Variants in NEDD9 observed in about 807,000 individuals in gnomAD.
NEDD9 encodes neural precursor cell expressed, developmentally down-regulated 9.
In NEDD9, 26 loss-of-function variants were observed where a neutral mutation model predicts 76.6. The ratio of observed to expected loss-of-function variants is 0.34; its 90% CI spans 0.25 to 0.47. The LOEUF (loss-of-function observed/expected upper bound fraction) is 0.47. NEDD9 is among the 20% of genes least tolerant of loss of function. NEDD9 has a pLI of 1.00. For synonymous variants in NEDD9, 392 were observed against 414.2 expected, an observed-to-expected ratio of 0.95 and a Z score of 0.65; for missense variants, 937 against 1,058.5, an observed-to-expected ratio of 0.89 and a Z score of 1.59.
intron 3 of NEDD9, among the ~76,000 whole-genome samples, chr6:11,272,771 G>A (rs563022549): frequency 1.3e-5 from 2 of 152,278 alleles, no homozygotes; most frequent in South Asian, 4.2e-4. Flanking sequence ...CCTGGGAGCC[G>A]CAGTTGGAAG....
intron 3 of NEDD9, among the ~76,000 whole-genome samples, chr6:11,282,702 G>A (rs1010230033): frequency 6.6e-6 from 1 of 152,110 alleles, no homozygotes; most frequent in African/African-American, 2.4e-5. Flanking sequence ...TCACATATCT[G>A]TTTCTTGCCT....
In NEDD9 at chr6:11,190,785, C is replaced by T; in HGVS notation, c.1084G>A (p.Val362Met). 6.2e-7 allele frequency: 1 copy of T among 1,614,184 alleles called. No individual in the cohort carries two copies. Among genetic ancestry groups the T allele is most frequent in the Non-Finnish European group, 8.5e-7 (1 of 1,180,040 alleles). Residue 362 changes from valine (V) to methionine (M), a missense_variant, in exon 5 of 7, where the codon GTG (valine) becomes ATG (methionine). By Grantham distance (21) the Val-to-Met change is conservative (BLOSUM62 1). Coordinates refer to ENST00000379446, the MANE Select transcript of NEDD9 (RefSeq NM_006403.4). The surrounding 1 kb of genome is among the most constrained non-coding windows in gnomAD (Gnocchi z 5.8). The stretch of plus-strand genomic sequence containing the variant: ...AAAGACAATCGGTTGATCCCATCCA[C>T]CAAGTCCCGAGAGCCTTTAGCATCT... Reference protein sequence around the residue: ...PPDAKGSRDLVDGINRLSFSS... With the variant: ...PPDAKGSRDLMDGINRLSFSS...
chr6:11,239,430 C>T (rs1401464017), intron 3 of NEDD9, among the ~76,000 whole-genome samples: 2 of 152,158 alleles, frequency 1.3e-5, no homozygotes, highest in African/African-American at 4.8e-5. Context: ...TCACTGAATT[C>T]AACAGGGGGA....
chr6:11,213,459 A>T lies in NEDD9; in HGVS notation c.281T>A (p.Val94Glu). 1 of 1,613,986 alleles carries T rather than the reference A, an allele frequency of 6.2e-7. No individual in the cohort carries two copies. The highest frequency in any genetic ancestry group is 8.5e-7 in the Non-Finnish European group (1 of 1,179,996). The change falls in exon 2 of 7, where the codon GTG becomes GAG. Residue 94 changes from valine (V) to glutamate (E), a missense_variant. Transcript: ENST00000379446. This position sits in a 1 kb window ranked among gnomAD's most constrained non-coding sequence, Gnocchi z 5.4. ...TCGGGGAGCAGCCTGTGGGTTTGGCACTTGATAGAGCTTCTGTTGGCCAAA... is the reference window on the plus strand; with the variant it reads ...TCGGGGAGCAGCCTGTGGGTTTGGCTCTTGATAGAGCTTCTGTTGGCCAAA... ...QTFGQQKLYQVPNPQAAPRDT... is the reference protein window; with the variant it reads ...QTFGQQKLYQEPNPQAAPRDT...
chr6:11,320,746 A>G (rs1176579191), intron 2 of NEDD9, among the ~76,000 whole-genome samples: 2 of 152,200 alleles, frequency 1.3e-5, no homozygotes, highest in Admixed American at 6.5e-5. Context: ...GTTTGGAAAG[A>G]TCTCTAAGAT....
At chr6:11,343,985 A>T (rs1028152279) in intron 1 of NEDD9, among the ~76,000 whole-genome samples, 1 of 152,218 alleles carries the variant, frequency 6.6e-6, no homozygotes, top group African/African-American at 2.4e-5. Flanking sequence ...CCATTGGAAG[A>T]TAGGACTGTT....
intron 1 of NEDD9, among the ~76,000 whole-genome samples, chr6:11,346,484 C>T (rs76294676): frequency 2.0e-5 from 3 of 151,734 alleles, no homozygotes; most frequent in African/African-American, 4.8e-5. Flanking sequence ...GAGGCCCCCC[C>T]CCCCGAGGTG....
intron 2 of NEDD9, among the ~76,000 whole-genome samples, chr6:11,316,179 G>A (rs142787606): frequency 1.4e-4 from 22 of 152,230 alleles, no homozygotes; most frequent in African/African-American, 2.9e-4. Context: ...TTATTTCTTC[G>A]TTATTGAGTC....
upstream of NEDD9, chr6:11,233,208 G>C: frequency 1.9e-6 from 1 of 518,784 alleles, no homozygotes; most frequent in South Asian, 1.4e-5. Flanking sequence ...GTGTGTGACT[G>C]TTTGCTTTTT....
At chr6:11,233,392 T>G, upstream of NEDD9, 1 of 518,972 alleles carries the variant, frequency 1.9e-6, no homozygotes, top group Non-Finnish European at 3.8e-6. Flanking sequence ...TTCAGTGGCT[T>G]TGCTGAGGAT....
chr6:11,232,478 G>T (rs774426805), intron 1 of NEDD9, 26 bp downstream of exon 1: 3 of 1,614,110 alleles, frequency 1.9e-6, no homozygotes, highest in Non-Finnish European at 2.5e-6. Context: ...AGCTTGCAAG[G>T]TAACCTGTAA....
intron 4 of NEDD9, among the ~76,000 whole-genome samples, chr6:11,191,961 C>T (rs779105280): frequency 1.2e-4 from 18 of 152,188 alleles, no homozygotes; most frequent in South Asian, 1.0e-3. Flanking sequence ...GCTGTGGTTG[C>T]GCCACTGCAC....
chr6:11,209,970 CT>C (rs752612102), intron 2 of NEDD9, among the ~76,000 whole-genome samples: 7 of 131,112 alleles, frequency 5.3e-5, no homozygotes, highest in Admixed American at 8.1e-5. Flanking sequence ...AATTCACTGT[CT>C]TTTTTTTTTC....
rs939255925 is a variant in NEDD9, at chr6:11,304,943, C to G, written c.12+1049G>C. 3 of 551,452 alleles carry G rather than the reference C, an allele frequency of 5.4e-6. No individual in the cohort carries two copies. The African/African-American group carries it at 6.0e-5, about 11-fold the overall frequency. 34.2% of individuals were successfully genotyped at this position (551,452 alleles called of 1,614,324 possible). On this transcript the variant is annotated intron_variant, in intron 3 of 3. Coordinates refer to the NEDD9 transcript ENST00000397378. Reference sequence around the variant, plus strand: ...CACGTTTTGCACATGTACCCTAGAACTTAAAATATAATTAAAAAAACCCAC... The same window carrying G: ...CACGTTTTGCACATGTACCCTAGAAGTTAAAATATAATTAAAAAAACCCAC...
intron 1 of NEDD9, among the ~76,000 whole-genome samples, chr6:11,366,298 A>G (rs12174728): frequency 2.7e-3 from 251 of 94,654 alleles, no homozygotes; most frequent in African/African-American, 4.0e-3. Flanking sequence ...AAGGAAGGAA[A>G]GAAAGAAAGA....
intron 3 of NEDD9, among the ~76,000 whole-genome samples, chr6:11,288,957 G>T (rs1276071337): frequency 2.0e-5 from 3 of 152,214 alleles, no homozygotes; most frequent in Non-Finnish European, 4.4e-5. Context: ...TGTATTGAAT[G>T]TATGCATTTT....
At chr6:11,313,000 C>T (rs1463841194) in intron 2 of NEDD9, among the ~76,000 whole-genome samples, 1 of 152,204 alleles carries the variant, frequency 6.6e-6, no homozygotes, top group Non-Finnish European at 1.5e-5. Flanking sequence ...CATGCATGGT[C>T]TGGCCTCTGT....
chr6:11,367,277 T>C (rs1029996608), intron 1 of NEDD9, among the ~76,000 whole-genome samples: 5 of 152,370 alleles, frequency 3.3e-5, no homozygotes, highest in Admixed American at 6.5e-5. Context: ...TTTCTGGGAT[T>C]AAGGAAGACA....
intron 1 of NEDD9, among the ~76,000 whole-genome samples, chr6:11,363,871 C>T (rs1187043484): frequency 6.6e-6 from 1 of 152,088 alleles, no homozygotes; most frequent in African/African-American, 2.4e-5. Context: ...ACAAATTAGG[C>T]ACTGTTGTAA....
Sources: allele counts gnomAD v4.1 joint callset (sites outside exome capture counted in the v4.1 genomes callset), GRCh38; gene constraint gnomAD v4.1.1; non-coding constraint Gnocchi (gnomAD v3.1); transcripts MANE v1.5; gene names NCBI Gene and HGNC (gene_info 2026-07-23, HGNC 2026-07-21).